The following OR2T10 variants were observed in gnomAD, a reference collection of about 807,000 sequenced individuals.
OR2T10 encodes the protein olfactory receptor family 2 subfamily T member 10.
For missense variants in OR2T10, 335 were observed against 382.5 expected (o/e 0.88, Z 1.04); for synonymous variants, 125 against 141.8 (o/e 0.88, Z 0.84).
At position 248,595,270 on chromosome 1, in the gene OR2T10, T is replaced by G. The variant is rs1264613719; in HGVS notation, c.-28-1474A>C. Reference sequence around the variant, plus strand: ...ATAAAATGAATAGTTTTAGATATCATTAATGTTCAATATATTAATAACGTG... The same window carrying G: ...ATAAAATGAATAGTTTTAGATATCAGTAATGTTCAATATATTAATAACGTG... On this transcript the variant is annotated intron_variant, in intron 1 of 1. Transcript: ENST00000642090. Among the ~76,000 whole-genome samples, 4 of 143,706 alleles carry G rather than the reference T, an allele frequency of 2.8e-5. 1 individual carries two copies. Among genetic ancestry groups the G allele is most frequent in the African/African-American group, 1.1e-4 (4 of 36,492 alleles). The allele number at this position is 143,706 out of a possible 152,430, so 94.3% of individuals were successfully genotyped here.
intron 1 of OR2T10, among the ~76,000 whole-genome samples, chr1:248,597,214 A>T (rs1397496075): frequency 2.1e-5 from 3 of 142,542 alleles, no homozygotes; most frequent in Admixed American, 6.9e-5. Flanking sequence ...GGTACACACT[A>T]CTTATTTCTA....
intron 1 of OR2T10, among the ~76,000 whole-genome samples, chr1:248,594,760 C>A (rs1416658427): frequency 1.4e-5 from 2 of 143,322 alleles, no homozygotes; most frequent in East Asian, 4.0e-4. Context: ...TCTTTTCTTC[C>A]AATCTCCCCA....
In OR2T10 at chr1:248,595,688, AAT is replaced by A. The variant is rs377160533; in HGVS notation, c.-29+1802_-29+1803del. Among the ~76,000 whole-genome samples, 115 of 143,812 alleles carry A rather than the reference AAT, an allele frequency of 8.0e-4. 23 individuals are homozygous for A. Among genetic ancestry groups the A allele is most frequent in the African/African-American group, 3.0e-3 (112 of 36,744 alleles). 94.3% of individuals were successfully genotyped at this position (143,812 alleles called of 152,430 possible). A position where few individuals can be genotyped will look rare whatever the true frequency, so the allele number is the denominator to read the frequency against. On this transcript the variant is annotated intron_variant, in intron 1 of 1. Coordinates refer to ENST00000642090, the MANE Select transcript of OR2T10 (RefSeq NM_001004693.2). ...TAGTCAATTAATAAATTACTAGACT[AAT>A]AAACTATATTTTCCTGGAGCAGAAA...
chr1:248,593,194 G>T lies in OR2T10; in HGVS notation c.575C>A (p.Thr192Asn). ...GTACATGAAAATCTTGTAAAGTGAG[G>T]TGTCTGAGCAAGAGAGCTTCAAAAC... ...PAVLKLSCSDTSLYKIFMYLC... is the reference protein window; with the variant it reads ...PAVLKLSCSDNSLYKIFMYLC... Residue 192 changes from threonine to asparagine, a missense_variant, in exon 2 of 2, where the codon ACC (threonine) becomes AAC (asparagine). Thr to Asn is a moderately conservative substitution (Grantham distance 65). Coordinates refer to ENST00000642090, the MANE Select transcript of OR2T10 (RefSeq NM_001004693.2). The T allele has an allele frequency of 6.4e-7, 1 of 1,572,600 alleles. No homozygotes were observed. The highest frequency in any genetic ancestry group is 8.6e-7 in the Non-Finnish European group (1 of 1,156,204).
intron 1 of OR2T10, among the ~76,000 whole-genome samples, chr1:248,596,490 T>C (rs1660093398): frequency 7.0e-6 from 1 of 142,918 alleles, no homozygotes; most frequent in Admixed American, 6.8e-5. Flanking sequence ...CTTGGCCATG[T>C]AGTTCAAGCT....
chr1:248,595,121 G>T (rs1341023010), intron 1 of OR2T10: 1 of 142,736 alleles, frequency 7.0e-6, no homozygotes, highest in Non-Finnish European at 1.5e-5. Flanking sequence ...TATTTTGGGG[G>T]GTCAGTGGTG....
chr1:248,597,447 CAT>C (rs1156556219), intron 1 of OR2T10, 43 bp downstream of exon 1: 1 of 142,700 alleles, frequency 7.0e-6, no homozygotes, highest in Non-Finnish European at 1.5e-5. Flanking sequence ...TTCTATAATA[CAT>C]ATATTATTAA....
chr1:248,593,808 A>G lies in OR2T10; in HGVS notation c.-28-12T>C, dbSNP rs781566481. 9.1e-7 allele frequency: 1 copy of G among 1,094,826 alleles called. No individual in the cohort carries two copies. Among genetic ancestry groups the G allele is most frequent in the Non-Finnish European group, 1.3e-6 (1 of 744,886 alleles). 67.8% of individuals were successfully genotyped at this position (1,094,826 alleles called of 1,614,324 possible). On this transcript the variant is annotated splice_polypyrimidine_tract_variant and intron_variant, in intron 1 of 1. Transcript: ENST00000642090. ...TGAAGTGGCTTTACCTGGAGGACAA[A>G]AGTAAACTTTATTTATAATCATGTG...
chr1:248,592,948 G>A lies in OR2T10; in HGVS notation c.821C>T (p.Ser274Leu), dbSNP rs1660034116. The change falls in exon 2 of 2, where the codon TCA becomes TTA. Residue 274 changes from serine to leucine, a missense_variant. Transcript: ENST00000642090. ...SYQTPEKDMM[S>L]SFFYTILTPV... The stretch of plus-strand genomic sequence containing the variant: ...TGTAAGGATAGTGTAGAAAAAGGAT[G>A]ACATCATATCTTTCTCAGGAGTTTG... 2.6e-6 allele frequency: 4 copies of A among 1,566,556 alleles called. 1 individual carries two copies. The highest frequency in any genetic ancestry group is 2.3e-5 in the East Asian group (1 of 43,638).
At position 248,593,400 on chromosome 1, in the gene OR2T10, A is replaced by G. The variant is rs1418915298; in HGVS notation, c.369T>C (p.Tyr123=). ...AACGGAGAGGATGGCAGATAGCCAC[A>G]TAGCGGTCATAGGCCATGGCGGCTA... ...CLLAAMAYDR[Y]VAICHPLRYS... is the part of the protein sequence containing the mutation. Residue 123 remains tyrosine, a synonymous_variant, in exon 2 of 2, where the codon TAT becomes TAC. Coordinates refer to ENST00000642090, the MANE Select transcript of OR2T10 (RefSeq NM_001004693.2). The G allele has an allele frequency of 1.3e-5, 20 of 1,572,194 alleles. 2 individuals carry two copies. Among genetic ancestry groups the G allele is most frequent in the Admixed American group, 1.7e-5 (1 of 58,350 alleles).
At chr1:248,597,382 G>A (rs1439089371) in intron 1 of OR2T10, 110 bp downstream of exon 1, 1 of 142,338 alleles carries the variant, frequency 7.0e-6, no homozygotes, top group Non-Finnish European at 1.5e-5. Flanking sequence ...TATATTTGCT[G>A]TATTAAATAT....
chr1:248,597,604 C>T lies in OR2T10; in HGVS notation c.-141G>A, dbSNP rs1474889488. 2 of 143,512 alleles carry T rather than the reference C, an allele frequency of 1.4e-5. 1 individual carries two copies. The highest frequency in any genetic ancestry group is 3.0e-5 in the Non-Finnish European group (2 of 66,284). The allele number at this position is 143,512 out of a possible 1,614,324, so 8.9% of individuals were successfully genotyped here. A position where few individuals can be genotyped will look rare whatever the true frequency, so the allele number is the denominator to read the frequency against. ...TGTCATTTTCGTTGTGATCAATCTG[C>T]TCTGTGATCAGTGAAACACCAGCCT... On this transcript the variant is annotated 5_prime_UTR_variant, in exon 1 of 2. Coordinates refer to ENST00000642090, the MANE Select transcript of OR2T10 (RefSeq NM_001004693.2).
chr1:248,593,003 T>C lies in OR2T10; in HGVS notation c.766A>G (p.Ile256Val), dbSNP rs1404780177. 3 of 1,572,790 alleles carry C rather than the reference T, an allele frequency of 1.9e-6. 1 individual carries two copies. Among genetic ancestry groups the C allele is most frequent in the Admixed American group, 3.4e-5 (2 of 58,326 alleles). Residue 256 changes from isoleucine to valine, a missense_variant, in exon 2 of 2, where the codon ATT (isoleucine) becomes GTT (valine). Transcript: ENST00000642090. Reference protein sequence around the residue: ...TVVSLFYGAAIYNYMLPSSYQ... With the variant: ...TVVSLFYGAAVYNYMLPSSYQ... ...GAGCTGGGGAGCATGTAGTTGTAAA[T>C]AGCAGCTCCATAGAAGAGGCTGACC...
intron 1 of OR2T10, among the ~76,000 whole-genome samples, chr1:248,594,566 G>T (rs1020621531): frequency 7.0e-6 from 1 of 142,372 alleles, no homozygotes; most frequent in Non-Finnish European, 1.5e-5. Flanking sequence ...TTGTGTTTCT[G>T]CCAATCTTTC....
rs1484359595 is a variant in OR2T10, at chr1:248,594,002, G to T, written c.-28-206C>A. The stretch of plus-strand genomic sequence containing the variant: ...GGAATGAAATATTTATATTCTCAAT[G>T]AAGAGGTCCATACAACTGAAATTAA... On this transcript the variant is annotated intron_variant, in intron 1 of 1. Transcript: ENST00000642090. 4.9e-5 allele frequency among the ~76,000 whole-genome samples: 7 copies of T among 142,718 alleles called. 1 individual carries two copies. Among genetic ancestry groups the T allele is most frequent in the Non-Finnish European group, 1.1e-4 (7 of 66,144 alleles). The allele number at this position is 142,718 out of a possible 152,430, so 93.6% of individuals were successfully genotyped here. A position where few individuals can be genotyped will look rare whatever the true frequency, so the allele number is the denominator to read the frequency against.
rs1660061000 is a variant in OR2T10 at position 248,594,329 on chromosome 1, A to G, written c.-28-533T>C. ...GCCACCAGTAATTGTAAACATTTTA[A>G]ACATAAAATTCCAAACCCTTATATA... On this transcript the variant is annotated intron_variant, in intron 1 of 1. Coordinates refer to ENST00000642090, the MANE Select transcript of OR2T10 (RefSeq NM_001004693.2). 2.1e-5 allele frequency among the ~76,000 whole-genome samples: 3 copies of G among 143,872 alleles called. 1 individual carries two copies. Among genetic ancestry groups the G allele is most frequent in the Admixed American group, 6.8e-5 (1 of 14,760 alleles). 94.4% of individuals were successfully genotyped at this position (143,872 alleles called of 152,430 possible).
Position 248,593,765 on chromosome 1 carries a change from G to T in OR2T10, c.4C>A (p.Arg2=), listed in dbSNP as rs202004133. The T allele has an allele frequency of 1.3e-6, 2 of 1,530,808 alleles. 1 individual carries two copies. Among genetic ancestry groups the T allele is most frequent in the Non-Finnish European group, 1.8e-6 (2 of 1,122,460 alleles). 94.8% of individuals were successfully genotyped at this position (1,530,808 alleles called of 1,614,324 possible). ...CCACCCAGGGTCTGGTTGGCCAGCCGCATGCTGTATGATCGGCTGAAGTGG... is the reference window on the plus strand; with the variant it reads ...CCACCCAGGGTCTGGTTGGCCAGCCTCATGCTGTATGATCGGCTGAAGTGG... The part of the protein sequence containing the change: M[R]LANQTLGGDF... The change falls in exon 2 of 2, where the codon CGG becomes AGG. Residue 2 remains arginine (R), a synonymous_variant. Transcript: ENST00000642090.
intron 1 of OR2T10, among the ~76,000 whole-genome samples, chr1:248,597,273 C>T (rs1660105851): frequency 7.0e-6 from 1 of 141,916 alleles, no homozygotes; most frequent in Non-Finnish European, 1.5e-5. Flanking sequence ...ATATGCACAG[C>T]AAGTACTTTC....
In OR2T10 at chr1:248,593,301, GC is replaced by G. The variant is rs1197687798; in HGVS notation, c.467del (p.Gly156AlafsTer9). 4 of 1,572,970 alleles carry G rather than the reference GC, an allele frequency of 2.5e-6. 1 individual carries two copies. In the East Asian group the frequency reaches 9.2e-5, roughly 36 times the overall value. On this transcript the variant is annotated frameshift_variant, in exon 2 of 2. Transcript: ENST00000642090. LOFTEE classifies it low-confidence loss of function (END_TRUNC). ...SGCWFVGSVD[G>X]FMLTPIAMSF... is the part of the protein sequence containing the mutation. The stretch of plus-strand genomic sequence containing the variant: ...TCATGGCGATGGGAGTGAGCATGAA[GC>G]CATCCACTGAGCCCACAAACCAGCA...
Sources: gnomAD v4.1 joint callset for allele counts (sites outside exome capture counted in the v4.1 genomes callset) on GRCh38, gnomAD v4.1.1 for gene constraint, MANE v1.5 for transcripts, NCBI Gene and HGNC (gene_info 2026-07-23, HGNC 2026-07-21) for gene names.